The following MTMR8 variants were observed in gnomAD, a reference collection of about 807,000 sequenced individuals.
MTMR8 encodes the protein myotubularin related protein 8.
MTMR8 carries 65 observed loss-of-function variants against 39.3 expected under a neutral mutation model. That is an observed-to-expected ratio of 1.65 (90% CI 1.35 to 2.03). The LOEUF (loss-of-function observed/expected upper bound fraction) is 2.03, where lower values mean the gene tolerates loss of function less well. Among genes scored for constraint, MTMR8 ranks in the 30% most tolerant of loss-of-function variants. The pLI is 0.00. For missense variants in MTMR8, 777 were observed against 538.9 expected (o/e 1.44, Z -4.37); for synonymous variants, 245 against 185.2 (o/e 1.32, Z -2.62).
chrX:64,394,845 G>A (rs1357783091), intron 1 of MTMR8, among the ~76,000 whole-genome samples: 1 of 112,288 alleles, frequency 8.9e-6, no homozygotes, highest in African/African-American at 3.2e-5. Context: ...CAGGCATGCC[G>A]TGGAGCTGGA....
At chrX:64,302,348 C>T (rs982334044) in intron 12 of MTMR8, among the ~76,000 whole-genome samples, 1 of 112,509 alleles carries the variant, frequency 8.9e-6, no homozygotes, top group Non-Finnish European at 1.9e-5. Context: ...TCTGTCACCC[C>T]TTTCTTTGAT....
chrX:64,348,565 A>AACC (rs1923403789), intron 6 of MTMR8, 95 bp downstream of exon 6: 4 of 1,062,905 alleles, frequency 3.8e-6, no homozygotes, highest in Middle Eastern at 6.1e-4. Flanking sequence ...CACATACACA[A>AACC]ACCTAACTTT....
chrX:64,370,378 TA>T lies in MTMR8; in HGVS notation c.25-10852del, dbSNP rs1212855430. On this transcript the variant is annotated intron_variant, in intron 1 of 13. Transcript: ENST00000374852. ...TTTACAAAATGAAAATTTTCATTTA[TA>T]AAAAAAAAAAGGAAAGGCGAGATGC... 4.9e-3 allele frequency among the ~76,000 whole-genome samples: 497 copies of T among 100,765 alleles called. 3 individuals carry two copies. The highest frequency in any genetic ancestry group is 0.016 in the African/African-American group (437 of 27,842). 87.5% of individuals were successfully genotyped at this position (100,765 alleles called of 115,157 possible).
chrX:64,351,700 G>A (rs1010073441), intron 4 of MTMR8, among the ~76,000 whole-genome samples: 6 of 111,515 alleles, frequency 5.4e-5, no homozygotes, highest in Non-Finnish European at 9.4e-5. Flanking sequence ...AGAGCCCCTG[G>A]CAAACCACTA....
rs1156912443 is a variant in MTMR8 at position 64,270,447 on chromosome X, A to G, written c.1608+500T>C. 2.7e-5 allele frequency among the ~76,000 whole-genome samples: 3 copies of G among 112,317 alleles called. No homozygotes were observed. In the East Asian group the frequency reaches 8.4e-4, roughly 31 times the overall value. ...ATAAGCAGCTCAGTTTATGAAATCA[A>G]CAAGAAATACTTTTTGACTTCTGTA... On this transcript the variant is annotated intron_variant, in intron 13 of 13. Transcript: ENST00000374852.
At chrX:64,282,339 C>A (rs1359528192) in intron 12 of MTMR8, among the ~76,000 whole-genome samples, 1 of 110,670 alleles carries the variant, frequency 9.0e-6, no homozygotes, top group Admixed American at 9.7e-5. Context: ...GGGAGGGGAA[C>A]AACACACACT....
At chrX:64,358,754 GT>G (rs1923694176) in intron 2 of MTMR8, among the ~76,000 whole-genome samples, 1 of 110,033 alleles carries the variant, frequency 9.1e-6, no homozygotes, top group African/African-American at 3.3e-5. Flanking sequence ...TTTAGGATGG[GT>G]AAGGCATAAA....
chrX:64,331,561 G>C lies in MTMR8; in HGVS notation c.1348C>G (p.Leu450Val). 1 of 1,208,232 alleles carries C rather than the reference G, an allele frequency of 8.3e-7. No individual in the cohort carries two copies. The highest frequency in any genetic ancestry group is 1.1e-6 in the Non-Finnish European group (1 of 893,223). Residue 450 changes from leucine (L) to valine (V), a missense_variant, in exon 11 of 14, where the codon CTA (leucine) becomes GTA (valine). Transcript: ENST00000374852. ...LGNCQKDRED[L>V]RVYEKTHSVW... ...CTTCTCACAAAGTAAATTCACCTTA[G>C]ATCTTCCCGATCCTTCTGGCAGTTA... is the stretch of plus-strand genomic sequence containing the variant.
intron 12 of MTMR8, among the ~76,000 whole-genome samples, chrX:64,312,425 G>A (rs544387914): frequency 1.7e-4 from 19 of 111,828 alleles, no homozygotes; most frequent in African/African-American, 4.9e-4. Flanking sequence ...CACAAGACAC[G>A]GATGCCCTCT....
At chrX:64,348,116 C>G (rs1030361472) in intron 6 of MTMR8, among the ~76,000 whole-genome samples, 2 of 111,488 alleles carry the variant, frequency 1.8e-5, no homozygotes, top group Non-Finnish European at 3.8e-5. Context: ...ATTTAATCAG[C>G]TAACAGTACT....
At chrX:64,311,826 T>C (rs1602124772) in intron 12 of MTMR8, among the ~76,000 whole-genome samples, 1 of 104,620 alleles carries the variant, frequency 9.6e-6, no homozygotes, top group African/African-American at 3.6e-5. Context: ...ATGTGTGGTG[T>C]TATTTCTGAG....
At chrX:64,304,372 A>G (rs1569215401) in intron 12 of MTMR8, among the ~76,000 whole-genome samples, 1 of 111,627 alleles carries the variant, frequency 9.0e-6, no homozygotes, top group Non-Finnish European at 1.9e-5. Context: ...CACCACTACC[A>G]CACTCCTGTA....
intron 12 of MTMR8, among the ~76,000 whole-genome samples, chrX:64,300,478 A>G (rs1311356726): frequency 4.5e-5 from 5 of 110,205 alleles, no homozygotes; most frequent in African/African-American, 6.6e-5. Flanking sequence ...GTCTCTGCAC[A>G]TGAGATGGGT....
At chrX:64,320,504 A>G (rs1922608633) in intron 12 of MTMR8, among the ~76,000 whole-genome samples, 1 of 110,481 alleles carries the variant, frequency 9.1e-6, no homozygotes, top group African/African-American at 3.3e-5. Flanking sequence ...TATTTTGCCC[A>G]CCTTGGAACT....
At chrX:64,317,439 A>G (rs1922501341) in intron 12 of MTMR8, among the ~76,000 whole-genome samples, 1 of 110,698 alleles carries the variant, frequency 9.0e-6, no homozygotes, top group African/African-American at 3.3e-5. Context: ...TTATATCTCA[A>G]GCTCATGTAT....
Position 64,356,194 on chromosome X carries a change from G to C in MTMR8, c.292C>G (p.Leu98Val), listed in dbSNP as rs773306445. ...TAACTACCTGGCTGAGAAAGCTTGA[G>C]CAGTGAAATATAAACCTCATGGCAC... Reference protein sequence around the residue: ...LVCHEVYISLLKLSQPALPED... With the variant: ...LVCHEVYISLVKLSQPALPED... Residue 98 changes from leucine to valine, a missense_variant, in exon 3 of 14, where the codon CTC (leucine) becomes GTC (valine). Leu to Val is a conservative substitution (Grantham distance 32). Transcript: ENST00000374852. The C allele has an allele frequency of 8.3e-7, 1 of 1,206,683 alleles. No homozygotes were observed. Among genetic ancestry groups the C allele is most frequent in the East Asian group, 3.0e-5 (1 of 33,522 alleles).
intron 12 of MTMR8, among the ~76,000 whole-genome samples, chrX:64,292,100 G>C (rs543005773): frequency 1.8e-5 from 2 of 111,969 alleles, no homozygotes; most frequent in African/African-American, 6.5e-5. Context: ...TCTGAGATGA[G>C]AGAATATCCT....
intron 1 of MTMR8, among the ~76,000 whole-genome samples, chrX:64,364,219 C>A (rs748559415): frequency 1.1e-4 from 12 of 112,604 alleles, no homozygotes; most frequent in Non-Finnish European, 2.1e-4. Flanking sequence ...TGTCTGACAG[C>A]TCTGAAGAGA....
chrX:64,278,815 A>G (rs775663409), intron 12 of MTMR8, among the ~76,000 whole-genome samples: 9 of 110,960 alleles, frequency 8.1e-5, no homozygotes, highest in African/African-American at 2.3e-4. Flanking sequence ...TTCCTTCTAA[A>G]AGTCAGGCCC....
Sources: gnomAD v4.1 joint callset for allele counts (sites outside exome capture counted in the v4.1 genomes callset) on GRCh38, gnomAD v4.1.1 for gene constraint, MANE v1.5 for transcripts, NCBI Gene and HGNC (gene_info 2026-07-23, HGNC 2026-07-21) for gene names.